Variants in COL16A1 observed in about 807,000 individuals in gnomAD.
COL16A1 encodes collagen type XVI alpha 1 chain, also known as collagen alpha-1(XVI) chain.
COL16A1 carries 189 observed loss-of-function variants against 266.3 expected under a neutral mutation model. The ratio of observed to expected loss-of-function variants is 0.71; its 90% CI spans 0.63 to 0.80. The LOEUF (loss-of-function observed/expected upper bound fraction) is 0.80, where lower values mean the gene tolerates loss of function less well. COL16A1 is among the 30% of genes least tolerant of loss of function. The pLI is 0.00. For missense variants in COL16A1, 1,928 were observed against 2,122.4 expected (o/e 0.91, Z 1.80); for synonymous variants, 740 against 782.3 (o/e 0.95, Z 0.90).
Position 31,686,157 on chromosome 1 carries a change from G to T in COL16A1, c.1840-22C>A, listed in dbSNP as rs764388820. The T allele has an allele frequency of 1.9e-6, 3 of 1,613,716 alleles. No individual in the cohort carries two copies. In the Admixed American group the frequency reaches 5.0e-5, roughly 27 times the overall value. On this transcript the variant is annotated intron_variant, in intron 27 of 70. Transcript: ENST00000373672. ...GCCCCTGCATGTTAAGACGCTACAG[G>T]TAATGCCCAGCATCTGCCAGGGCCA...
At chr1:31,682,268 G>A (rs1196900452) in intron 37 of COL16A1, among the ~76,000 whole-genome samples, 3 of 152,164 alleles carry the variant, frequency 2.0e-5, no homozygotes, top group Non-Finnish European at 2.9e-5. Flanking sequence ...CTCTTAAAAC[G>A]TGGGAGCCAC....
chr1:31,693,151 C>A lies in COL16A1; in HGVS notation c.1012G>T (p.Gly338Trp). The A allele has an allele frequency of 6.2e-7, 1 of 1,608,100 alleles. No individual in the cohort carries two copies. Among genetic ancestry groups the A allele is most frequent in the Non-Finnish European group, 8.5e-7 (1 of 1,174,704 alleles). ...CCAGGCAGGCCCCGCTCACCTTTCCCTCCCTGAGAGTGAAACCAGAATGGA... is the reference window on the plus strand; with the variant it reads ...CCAGGCAGGCCCCGCTCACCTTTCCATCCCTGAGAGTGAAACCAGAATGGA... Reference protein sequence around the residue: ...VTLAPSGPKGGKGERGLPGPP... With the variant: ...VTLAPSGPKGWKGERGLPGPP... The change falls in exon 13 of 71, where the codon GGG becomes TGG. Residue 338 changes from glycine to tryptophan, a missense_variant. Coordinates refer to ENST00000373672, the MANE Select transcript of COL16A1 (RefSeq NM_001856.4).
chr1:31,654,915 C>T, intron 67 of COL16A1, 57 bp from the exon 68 acceptor site: 1 of 1,606,846 alleles, frequency 6.2e-7, no homozygotes, highest in Non-Finnish European at 8.5e-7. Flanking sequence ...GCATTTTCCC[C>T]TATGGAAATA....
intron 49 of COL16A1, among the ~76,000 whole-genome samples, chr1:31,669,434 G>T (rs572638181): frequency 6.6e-6 from 1 of 152,074 alleles, no homozygotes; most frequent in South Asian, 2.1e-4. Flanking sequence ...CACTTTCCAC[G>T]AGAGCTACAG....
rs12562905 is a variant in COL16A1 at position 31,685,485 on chromosome 1, C to A, written c.2016+154G>T. On this transcript the variant is annotated intron_variant, in intron 29 of 70. Coordinates refer to ENST00000373672, the MANE Select transcript of COL16A1 (RefSeq NM_001856.4). This position sits in a 1 kb window ranked among gnomAD's most constrained non-coding sequence, Gnocchi z 4.0. ...ATAAAGGGCAGAGACCTGTGAGGGC[C>A]GCTCCTGCTGGAGACAGAGGCTCTG... Among the ~76,000 whole-genome samples the A allele has an allele frequency of 0.03, 4,539 of 152,202 alleles. 237 individuals are homozygous for A. The highest frequency in any genetic ancestry group is 0.098 in the African/African-American group (4,060 of 41,510).
At chr1:31,665,332 A>T in intron 55 of COL16A1, 98 bp from the exon 56 acceptor site, 3 of 1,517,784 alleles carry the variant, frequency 2.0e-6, no homozygotes, top group Non-Finnish European at 2.7e-6. Flanking sequence ...TGTTAATGCA[A>T]TTCATTTTGA....
Position 31,658,964 on chromosome 1 carries a change from C to T in COL16A1, c.3880G>A (p.Gly1294Arg). ...QGRPGPPGHV[G>R]PPGPPGQPGP... ...GGCTGGCCTGGAGGCCCTGGTGGCC[C>T]CTAAAGAGAGATGAGTCAGTGGGAT... Residue 1294 changes from glycine to arginine, a missense_variant and splice_region_variant, in exon 63 of 71, where the codon GGG (glycine) becomes AGG (arginine). Around this residue, in one of 2 missense-constraint regions of COL16A1, gnomAD observed 376 missense variants for 485.2 expected, o/e 0.77. Coordinates refer to ENST00000373672, the MANE Select transcript of COL16A1 (RefSeq NM_001856.4). 3 of 1,553,618 alleles carry T rather than the reference C, an allele frequency of 1.9e-6. No homozygotes were observed. The highest frequency in any genetic ancestry group is 2.6e-6 in the Non-Finnish European group (3 of 1,148,130).
chr1:31,667,703 G>T, intron 51 of COL16A1, 75 bp from the exon 52 acceptor site: 2 of 1,381,790 alleles, frequency 1.4e-6, no homozygotes, highest in Admixed American at 2.0e-5. Flanking sequence ...GAGGAGCGGA[G>T]ACTGCAGCTG....
chr1:31,680,822 C>A lies in COL16A1; in HGVS notation c.2610+83G>T. ...TGGGAAGGCTGGAGGGGCTGCTAAT[C>A]CCCCAGAGTACGGGTCACAGGTGGG... is the stretch of plus-strand genomic sequence containing the variant. On this transcript the variant is annotated intron_variant, in intron 39 of 70. Coordinates refer to ENST00000373672, the MANE Select transcript of COL16A1 (RefSeq NM_001856.4). 5 of 1,606,338 alleles carry A rather than the reference C, an allele frequency of 3.1e-6. No individual in the cohort carries two copies. In the South Asian group the frequency reaches 4.4e-5, roughly 14 times the overall value.
chr1:31,666,656 C>A (rs1642169819), intron 52 of COL16A1, among the ~76,000 whole-genome samples: 1 of 152,076 alleles, frequency 6.6e-6, no homozygotes. Flanking sequence ...TGGCTGGAAG[C>A]TGTTCCTGCA....
At position 31,698,139 on chromosome 1, in the gene COL16A1, G is replaced by A; in HGVS notation, c.424C>T (p.Leu142=). ...SLEVNSQERS[L]ELRAQGQDGD... is the part of the protein sequence containing the mutation. ...TCCTGGCCCTGGGCCCTGAGCTCCAGGCTCCGCTCTTGGCTGTTGACTTCC... is the reference window on the plus strand; with the variant it reads ...TCCTGGCCCTGGGCCCTGAGCTCCAAGCTCCGCTCTTGGCTGTTGACTTCC... Residue 142 remains leucine, a synonymous_variant, in exon 6 of 71, where the codon CTG becomes TTG. Coordinates refer to ENST00000373672, the MANE Select transcript of COL16A1 (RefSeq NM_001856.4). The surrounding 1 kb of genome is among the most constrained non-coding windows in gnomAD (Gnocchi z 4.1). 2 of 1,613,924 alleles carry A rather than the reference G, an allele frequency of 1.2e-6. No individual in the cohort carries two copies. Among genetic ancestry groups the A allele is most frequent in the Non-Finnish European group, 1.7e-6 (2 of 1,180,038 alleles).
chr1:31,672,842 T>G lies in COL16A1; in HGVS notation c.2860-2A>C. 6.2e-7 allele frequency: 1 copy of G among 1,613,502 alleles called. No homozygotes were observed. Among genetic ancestry groups the G allele is most frequent in the African/African-American group, 1.3e-5 (1 of 75,014 alleles). The stretch of plus-strand genomic sequence containing the variant: ...CTGGACACAGTCCCCGCAGATACTC[T>G]GATCAGGGAGTGGGGAGAGGAGTGG... On this transcript the variant is annotated splice_acceptor_variant, in intron 44 of 70. Transcript: ENST00000373672. LOFTEE classifies it high-confidence loss of function.
At chr1:31,654,072 G>A (rs770645958) in intron 68 of COL16A1, 29 bp from the exon 69 acceptor site, 2 of 1,593,944 alleles carry the variant, frequency 1.3e-6, no homozygotes, top group South Asian at 2.2e-5. Context: ...GACAGGGACA[G>A]GTCAGAGGGT....
Position 31,668,313 on chromosome 1 carries a change from T to A in COL16A1, c.3250-95A>T. ...TGGCCAAAGCTAAAACCTCTGGGGC[T>A]GCCATCTAGCAGGTGCCAGCCTGCC... On this transcript the variant is annotated intron_variant, in intron 50 of 70. Coordinates refer to ENST00000373672, the MANE Select transcript of COL16A1 (RefSeq NM_001856.4). The surrounding 1 kb of genome is among the most constrained non-coding windows in gnomAD (Gnocchi z 5.8). 2 of 1,351,214 alleles carry A rather than the reference T, an allele frequency of 1.5e-6. No individual in the cohort carries two copies. The highest frequency in any genetic ancestry group is 2.1e-6 in the Non-Finnish European group (2 of 952,068). 83.7% of individuals were successfully genotyped at this position (1,351,214 alleles called of 1,614,324 possible).
chr1:31,695,126 T>C (rs920289941), intron 11 of COL16A1, 60 bp downstream of exon 11: 1 of 1,594,126 alleles, frequency 6.3e-7, no homozygotes, highest in African/African-American at 1.3e-5. Flanking sequence ...AAGCCAGCTC[T>C]AGGCAACGTC....
chr1:31,658,435 T>G, intron 64 of COL16A1, 53 bp downstream of exon 64: 22 of 1,448,242 alleles, frequency 1.5e-5, no homozygotes, highest in Non-Finnish European at 1.9e-5. Flanking sequence ...CAACAGGCCT[T>G]GAGCCAATTG....
At position 31,684,799 on chromosome 1, in the gene COL16A1, G is replaced by C. The variant is rs202099480; in HGVS notation, c.2052+22C>G. 9.9e-6 allele frequency: 16 copies of C among 1,613,910 alleles called. No individual in the cohort carries two copies. The African/African-American group carries it at 1.9e-4, about 19-fold the overall frequency. On this transcript the variant is annotated intron_variant, in intron 30 of 70. Coordinates refer to ENST00000373672, the MANE Select transcript of COL16A1 (RefSeq NM_001856.4). ...CTGAGATGATGCCATGCCCACCCCC[G>C]TGCCCACGGACGCCCTCTCACCTTC...
At chr1:31,654,721 C>CCAAGGCAGGGCAGAGAAGTCA in intron 68 of COL16A1, 71 bp downstream of exon 68, 1 of 1,611,536 alleles carries the variant, frequency 6.2e-7, no homozygotes, top group Admixed American at 1.7e-5. Context: ...GAGAAAGAGG[C>CCAAGGCAGGGCAGAGAAGTCA]CAAGGCAGGG....
chr1:31,696,166 C>A, intron 8 of COL16A1, 25 bp from the exon 9 acceptor site: 2 of 1,607,312 alleles, frequency 1.2e-6, no homozygotes, highest in Non-Finnish European at 1.7e-6. Flanking sequence ...CAAAGAGAAA[C>A]CCTTGAGGAG....
Sources: allele counts gnomAD v4.1 joint callset (sites outside exome capture counted in the v4.1 genomes callset), GRCh38; gene constraint gnomAD v4.1.1; regional missense constraint gnomAD v4.1.1; non-coding constraint Gnocchi (gnomAD v3.1); transcripts MANE v1.5; gene names NCBI Gene and HGNC (gene_info 2026-07-23, HGNC 2026-07-21).